RELN: variants seen among roughly 807,000 people sequenced by gnomAD.
The protein encoded by RELN is reelin.
RELN carries 108 observed loss-of-function variants against 427.6 expected under a neutral mutation model. The observed-to-expected ratio is 0.25, with a 90% CI of 0.22 to 0.30. The LOEUF (loss-of-function observed/expected upper bound fraction) is 0.30, where lower values mean the gene tolerates loss of function less well. RELN is among the 10% of genes least tolerant of loss of function. The pLI, the probability that RELN is intolerant of heterozygous loss-of-function variation, is 1.00. For synonymous variants in RELN, 1,524 were observed against 1,513.4 expected, an observed-to-expected ratio of 1.01 and a Z score of -0.16; for missense variants, 3,715 against 4,302.8, an observed-to-expected ratio of 0.86 and a Z score of 3.82.
intron 15 of RELN, among the ~76,000 whole-genome samples, chr7:103,650,922 G>T (rs1832901709): frequency 6.6e-6 from 1 of 152,096 alleles, no homozygotes; most frequent in Non-Finnish European, 1.5e-5. Flanking sequence ...ATCATAACTA[G>T]CCAATTTATT....
At chr7:103,618,547 T>C (rs1335056229) in intron 20 of RELN, among the ~76,000 whole-genome samples, 1 of 152,224 alleles carries the variant, frequency 6.6e-6, no homozygotes, top group African/African-American at 2.4e-5. Context: ...ATGTCAGGAA[T>C]CAAAAATCTT....
At chr7:103,872,673 C>T (rs1341148558) in intron 2 of RELN, among the ~76,000 whole-genome samples, 3 of 143,814 alleles carry the variant, frequency 2.1e-5, no homozygotes, top group Middle Eastern at 3.5e-3. Context: ...AGTTTACAGT[C>T]CCACCAACAG....
At chr7:103,604,008 G>A (rs530325988) in intron 23 of RELN, among the ~76,000 whole-genome samples, 2 of 151,810 alleles carry the variant, frequency 1.3e-5, no homozygotes, top group South Asian at 2.1e-4. Context: ...GTGAAGTGGT[G>A]TAAGAGGGCA....
intron 2 of RELN, among the ~76,000 whole-genome samples, chr7:103,873,465 T>C (rs890028291): frequency 9.8e-6 from 1 of 102,220 alleles, no homozygotes; most frequent in Non-Finnish European, 2.1e-5. Flanking sequence ...CTAGCAAGAC[T>C]AATAAAGAAA....
chr7:103,926,593 T>C (rs1282319836), intron 1 of RELN, among the ~76,000 whole-genome samples: 1 of 150,084 alleles, frequency 6.7e-6, no homozygotes, highest in Non-Finnish European at 1.5e-5. Context: ...CTAATACACA[T>C]AGTTAAACCG....
intron 5 of RELN, among the ~76,000 whole-genome samples, chr7:103,750,198 G>A (rs541557716): frequency 1.1e-4 from 17 of 152,134 alleles, no homozygotes; most frequent in Non-Finnish European, 2.4e-4. Context: ...GGCTGGTCTT[G>A]AACTCCTGAC....
At chr7:103,810,645 T>C (rs1020949851) in intron 3 of RELN, among the ~76,000 whole-genome samples, 2 of 152,082 alleles carry the variant, frequency 1.3e-5, no homozygotes, top group Non-Finnish European at 2.9e-5. Flanking sequence ...TGGAGACAGA[T>C]TACCCTTCCT....
At chr7:103,548,057 C>T (rs1228764552) in intron 41 of RELN, among the ~76,000 whole-genome samples, 1 of 152,176 alleles carries the variant, frequency 6.6e-6, no homozygotes, top group Non-Finnish European at 1.5e-5. Context: ...CACAACATTG[C>T]TTTCATTAAA....
chr7:103,750,479 C>T (rs528592823), intron 5 of RELN, among the ~76,000 whole-genome samples: 14 of 152,272 alleles, frequency 9.2e-5, no homozygotes, highest in East Asian at 3.9e-4. Flanking sequence ...TTATTAGCAG[C>T]GTGAGAATGA....
intron 12 of RELN, among the ~76,000 whole-genome samples, chr7:103,660,735 T>G (rs3757741): frequency 0.036 from 5,416 of 152,270 alleles, 153 homozygotes; most frequent in East Asian, 0.14. Flanking sequence ...ATTTCTGGAA[T>G]GACATCAGTG....
At chr7:103,797,619 T>C (rs1423871956) in intron 3 of RELN, among the ~76,000 whole-genome samples, 2 of 152,190 alleles carry the variant, frequency 1.3e-5, no homozygotes, top group Admixed American at 6.6e-5. Flanking sequence ...CAGTCCAAGA[T>C]ACCATATCGC....
chr7:103,962,142 G>C (rs1247162450), intron 1 of RELN, among the ~76,000 whole-genome samples: 2 of 151,990 alleles, frequency 1.3e-5, no homozygotes, highest in Non-Finnish European at 2.9e-5. Flanking sequence ...TATAGAAAGC[G>C]ATATTCAACA....
At chr7:103,882,051 AG>A (rs1245239351) in intron 2 of RELN, among the ~76,000 whole-genome samples, 1 of 152,222 alleles carries the variant, frequency 6.6e-6, no homozygotes, top group African/African-American at 2.4e-5. Context: ...CATCAACCAA[AG>A]CTCCCTAAAT....
chr7:103,533,315 T>C (rs930230294), intron 46 of RELN, among the ~76,000 whole-genome samples: 7 of 152,346 alleles, frequency 4.6e-5, no homozygotes, highest in African/African-American at 1.4e-4. Context: ...TTAATAAACA[T>C]TGACATTTCA....
In RELN at chr7:103,593,987, C is replaced by G. The variant is rs146860893; in HGVS notation, c.3712-105G>C. 417 of 881,434 alleles carry G rather than the reference C, an allele frequency of 4.7e-4. 1 individual carries two copies. The African/African-American group carries it at 6.1e-3, about 13-fold the overall frequency. The allele number at this position is 881,434 out of a possible 1,614,324, so 54.6% of individuals were successfully genotyped here. A position where few individuals can be genotyped will look rare whatever the true frequency, so the allele number is the denominator to read the frequency against. ...GCTGGGCCATGTACCATTTGCATTT[C>G]TAGGAAAACACAGAAGAATCTCTAT... On this transcript the variant is annotated intron_variant, in intron 26 of 64. Coordinates refer to ENST00000428762, the MANE Select transcript of RELN (RefSeq NM_005045.4).
At chr7:103,830,281 T>C (rs553670769) in intron 3 of RELN, among the ~76,000 whole-genome samples, 13 of 151,966 alleles carry the variant, frequency 8.6e-5, no homozygotes, top group Non-Finnish European at 1.2e-4. Context: ...TATTACACAC[T>C]GTCCCTGACC....
At chr7:103,810,199 T>C (rs1792703511) in intron 3 of RELN, among the ~76,000 whole-genome samples, 1 of 152,168 alleles carries the variant, frequency 6.6e-6, no homozygotes, top group Non-Finnish European at 1.5e-5. Context: ...TTTACTTTCT[T>C]TCCCTTCTGC....
chr7:103,622,987 A>C (rs1832253689), intron 20 of RELN, among the ~76,000 whole-genome samples: 4 of 152,210 alleles, frequency 2.6e-5, no homozygotes, highest in Admixed American at 2.6e-4. Context: ...TAAATGAAAA[A>C]CTTCAGGTAA....
At chr7:103,941,695 C>A (rs1030072406) in intron 1 of RELN, among the ~76,000 whole-genome samples, 4 of 152,072 alleles carry the variant, frequency 2.6e-5, no homozygotes, top group African/African-American at 4.8e-5. Flanking sequence ...CTAGTCCAAA[C>A]ACATATATAA....
Sources: gnomAD v4.1 joint callset for allele counts (sites outside exome capture counted in the v4.1 genomes callset) on GRCh38, gnomAD v4.1.1 for gene constraint, MANE v1.5 for transcripts, NCBI Gene and HGNC (gene_info 2026-07-23, HGNC 2026-07-21) for gene names.